The following TTC28 variants were observed in gnomAD, a reference collection of about 807,000 sequenced individuals.
The protein encoded by TTC28 is tetratricopeptide repeat protein 28.
Under a neutral mutation model 198.0 loss-of-function variants are expected in TTC28, and 61 were observed. The observed-to-expected ratio is 0.31, with a 90% CI of 0.25 to 0.38. The LOEUF (loss-of-function observed/expected upper bound fraction) is 0.38, where lower values mean the gene tolerates loss of function less well. Among genes scored for constraint, TTC28 ranks in the 10% least tolerant of loss-of-function variants. The probability of loss-of-function intolerance (pLI) is 1.00; values close to 1 mark genes in which losing one functional copy is unlikely to be tolerated. For missense variants in TTC28, 2,678 were observed against 3,164.0 expected (o/e 0.85, Z 3.69); for synonymous variants, 1,171 against 1,297.8 (o/e 0.90, Z 2.10).
At chr22:28,071,194 C>T (rs1034714960) in intron 12 of TTC28, among the ~76,000 whole-genome samples, 1 of 152,018 alleles carries the variant, frequency 6.6e-6, no homozygotes, top group Non-Finnish European at 1.5e-5. Flanking sequence ...GAGGCACACA[C>T]AAAAATTAAG....
At chr22:28,187,210 A>G (rs1405585567) in intron 5 of TTC28, among the ~76,000 whole-genome samples, 1 of 152,196 alleles carries the variant, frequency 6.6e-6, no homozygotes, top group Non-Finnish European at 1.5e-5. Context: ...CGAGGGTAAG[A>G]GGTTAAGGTT....
Position 28,287,599 on chromosome 22 carries a change from G to A in TTC28, c.933+8599C>T, listed in dbSNP as rs561368643. Among the ~76,000 whole-genome samples the A allele has an allele frequency of 1.4e-4, 22 of 152,212 alleles. No individual in the cohort carries two copies. The South Asian group carries it at 3.3e-3, about 23-fold the overall frequency. On this transcript the variant is annotated intron_variant, in intron 5 of 22. Coordinates refer to ENST00000397906, the MANE Select transcript of TTC28 (RefSeq NM_001145418.2). ...TGCAAAGAGACCAGAAAGAGCAAAG[G>A]TACAGAAGGGTAAAAGCAGAAGGCC...
Position 28,108,358 on chromosome 22 carries a change from A to C in TTC28, c.1487T>G (p.Leu496Arg). The stretch of plus-strand genomic sequence containing the variant: ...GGCAATGCACAGGTGGGTCTTGTGG[A>C]GTTTCAGTGCAGTGTCATAATCACC... ...MKGDYDTALKLHKTHLCIAQE... is the reference protein window; with the variant it reads ...MKGDYDTALKRHKTHLCIAQE... Residue 496 changes from leucine to arginine, a missense_variant, in exon 7 of 23, where the codon CTC becomes CGC. Physicochemically the swap from Leu to Arg is moderately radical, Grantham distance 102 (BLOSUM62 -2). Around this residue, in one of 8 missense-constraint regions of TTC28, gnomAD observed 775 missense variants for 845.9 expected, o/e 0.92. Coordinates refer to ENST00000397906, the MANE Select transcript of TTC28 (RefSeq NM_001145418.2). The C allele has an allele frequency of 6.7e-7, 1 of 1,482,740 alleles. No homozygotes were observed. The highest frequency in any genetic ancestry group is 9.0e-7 in the Non-Finnish European group (1 of 1,110,420). 91.8% of individuals were successfully genotyped at this position (1,482,740 alleles called of 1,614,324 possible). A position where few individuals can be genotyped will look rare whatever the true frequency, so the allele number is the denominator to read the frequency against.
intron 5 of TTC28, among the ~76,000 whole-genome samples, chr22:28,271,452 G>A (rs943589718): frequency 3.9e-5 from 6 of 152,084 alleles, no homozygotes; most frequent in African/African-American, 1.4e-4. Flanking sequence ...TTTACATGTA[G>A]TTGTATGGTT....
intron 2 of TTC28, among the ~76,000 whole-genome samples, chr22:28,323,924 G>A (rs2045485430): frequency 1.3e-5 from 2 of 152,178 alleles, no homozygotes; most frequent in African/African-American, 4.8e-5. Flanking sequence ...GCAGACATTT[G>A]AGTGGAAACC....
intron 2 of TTC28, among the ~76,000 whole-genome samples, chr22:28,525,980 G>A (rs573971433): frequency 5.9e-5 from 9 of 152,082 alleles, no homozygotes; most frequent in Non-Finnish European, 1.2e-4. Context: ...CACCATTTCT[G>A]CACTTAAAGA....
intron 5 of TTC28, among the ~76,000 whole-genome samples, chr22:28,283,001 C>A (rs111590970): frequency 1.3e-5 from 2 of 152,060 alleles, no homozygotes; most frequent in Admixed American, 6.6e-5. Context: ...TCACTACAGG[C>A]CCAAAAAGTC....
chr22:28,650,999 A>G (rs1294024200), intron 1 of TTC28, among the ~76,000 whole-genome samples: 2 of 152,240 alleles, frequency 1.3e-5, no homozygotes, highest in Non-Finnish European at 2.9e-5. Flanking sequence ...AGCCATATCC[A>G]TTCAGTTACC....
In TTC28 at chr22:28,096,397, C is replaced by A; in HGVS notation, c.3559G>T (p.Glu1187Ter). Residue 1187 changes from glutamate to a stop codon, truncating the protein, a stop_gained, in exon 11 of 23, where the codon GAA becomes TAA. Transcript: ENST00000397906. LOFTEE classifies it high-confidence loss of function. ...RVLVSLGHHD[E>*]ALAVAERGRT... The stretch of plus-strand genomic sequence containing the variant: ...CCCCTTTCTGCCACAGCCAGGGCTT[C>A]ATCATGATGGCCTAGGAGACAAAGA... The A allele has an allele frequency of 6.4e-7, 1 of 1,551,272 alleles. No homozygotes were observed. Among genetic ancestry groups the A allele is most frequent in the South Asian group, 1.2e-5 (1 of 84,004 alleles).
At chr22:28,645,798 C>T (rs548364310) in intron 1 of TTC28, among the ~76,000 whole-genome samples, 3 of 151,990 alleles carry the variant, frequency 2.0e-5, no homozygotes, top group Admixed American at 6.6e-5. Context: ...TAATAAAATG[C>T]GGCATCCTTT....
chr22:28,424,238 A>C (rs2047310383), intron 2 of TTC28, among the ~76,000 whole-genome samples: 1 of 152,158 alleles, frequency 6.6e-6, no homozygotes, highest in Admixed American at 6.5e-5. Flanking sequence ...TAAACAAACA[A>C]ATAAGTAAAT....
chr22:28,360,699 T>C (rs1437655479), intron 2 of TTC28, among the ~76,000 whole-genome samples: 36 of 152,166 alleles, frequency 2.4e-4, no homozygotes, highest in Admixed American at 2.4e-3. Flanking sequence ...AAATGACTGA[T>C]TGTATAGGCA....
At chr22:28,541,590 A>C (rs1415267059) in intron 2 of TTC28, among the ~76,000 whole-genome samples, 2 of 152,242 alleles carry the variant, frequency 1.3e-5, no homozygotes, top group Admixed American at 6.5e-5. Context: ...AATGTGAAAA[A>C]GTAGAATGTA....
chr22:28,579,627 TGTG>T (rs1423330585), intron 2 of TTC28, among the ~76,000 whole-genome samples: 2 of 121,512 alleles, frequency 1.6e-5, no homozygotes, highest in Non-Finnish European at 3.3e-5. Context: ...CATATACAAA[TGTG>T]TGTGTGTGTG....
intron 1 of TTC28, among the ~76,000 whole-genome samples, chr22:28,637,416 A>G (rs771438077): frequency 1.3e-5 from 2 of 152,336 alleles, no homozygotes; most frequent in South Asian, 2.1e-4. Context: ...CCAGGACCAT[A>G]TATGTTGGAA....
chr22:28,339,204 C>T (rs1419751796), intron 2 of TTC28, among the ~76,000 whole-genome samples: 2 of 152,116 alleles, frequency 1.3e-5, no homozygotes, highest in Admixed American at 6.5e-5. Flanking sequence ...TGCAGAACAG[C>T]GGATATTGGT....
At chr22:28,138,903 T>C (rs1303477289) in intron 6 of TTC28, among the ~76,000 whole-genome samples, 1 of 152,186 alleles carries the variant, frequency 6.6e-6, no homozygotes. Context: ...TTCAAGTGAA[T>C]AGAGAATAAC....
chr22:28,633,665 A>T (rs922412875), intron 1 of TTC28, among the ~76,000 whole-genome samples: 1 of 152,196 alleles, frequency 6.6e-6, no homozygotes, highest in Non-Finnish European at 1.5e-5. Flanking sequence ...TTTTGGTTCA[A>T]TGCCAACACA....
chr22:28,608,200 G>A (rs1362923393), intron 2 of TTC28, among the ~76,000 whole-genome samples: 2 of 152,162 alleles, frequency 1.3e-5, no homozygotes, highest in Non-Finnish European at 2.9e-5. Context: ...CCTCACCTAT[G>A]TGATCGACTT....
Sources: allele counts gnomAD v4.1 joint callset (sites outside exome capture counted in the v4.1 genomes callset), GRCh38; gene constraint gnomAD v4.1.1; regional missense constraint gnomAD v4.1.1; transcripts MANE v1.5; gene names NCBI Gene and HGNC (gene_info 2026-07-23, HGNC 2026-07-21).